Variants in USP18 observed in about 807,000 individuals in gnomAD.
USP18 encodes the protein ubiquitin specific peptidase 18, also known as ubl carboxyl-terminal hydrolase 18.
In USP18, 11 loss-of-function variants were observed where a neutral mutation model predicts 48.7. That is an observed-to-expected ratio of 0.23 (90% confidence interval 0.14 to 0.37). The LOEUF (loss-of-function observed/expected upper bound fraction) is 0.37, where lower values mean the gene tolerates loss of function less well. USP18 is among the 10% of genes least tolerant of loss of function. The probability of loss-of-function intolerance (pLI) is 1.00; values close to 1 mark genes in which losing one functional copy is unlikely to be tolerated. For missense variants in USP18, 285 were observed against 436.4 expected (o/e 0.65, Z 3.09); for synonymous variants, 114 against 163.2 (o/e 0.70, Z 2.30).
chr22:18,155,911 C>T (rs1200345885), intron 1 of USP18, among the ~76,000 whole-genome samples: 1 of 152,276 alleles, frequency 6.6e-6, no homozygotes, highest in East Asian at 1.9e-4. Flanking sequence ...CCACCTGCGG[C>T]CCAGGTGTGG....
intron 4 of USP18, among the ~76,000 whole-genome samples, chr22:18,163,445 C>T (rs1285933070): frequency 6.6e-6 from 1 of 151,908 alleles, no homozygotes; most frequent in Non-Finnish European, 1.5e-5. Flanking sequence ...CGATGGAGAC[C>T]ATCCTGGCTA....
intron 1 of USP18, among the ~76,000 whole-genome samples, chr22:18,153,334 C>T (rs1929046424): frequency 6.6e-6 from 1 of 150,646 alleles, no homozygotes; most frequent in South Asian, 2.1e-4. Flanking sequence ...GACACTAAGG[C>T]AGGGGAAGTG....
intron 8 of USP18, among the ~76,000 whole-genome samples, chr22:18,172,330 C>A (rs2543692): frequency 0.013 from 2,048 of 152,004 alleles, 21 homozygotes; most frequent in Admixed American, 0.016. Flanking sequence ...ATTATGTATC[C>A]CTAAAGAATA....
intron 1 of USP18, among the ~76,000 whole-genome samples, chr22:18,155,180 G>T (rs1030122730): frequency 2.0e-5 from 3 of 152,254 alleles, no homozygotes; most frequent in African/African-American, 7.2e-5. Context: ...CACTGTAGTT[G>T]TCAGGTAGTG....
chr22:18,168,453 G>A (rs561897197), intron 6 of USP18, among the ~76,000 whole-genome samples: 2 of 151,548 alleles, frequency 1.3e-5, no homozygotes, highest in East Asian at 3.9e-4. Context: ...CTGAAGTGCA[G>A]TGGCACAATC....
chr22:18,153,348 G>A (rs1342942082), intron 1 of USP18, among the ~76,000 whole-genome samples: 1 of 150,860 alleles, frequency 6.6e-6, no homozygotes, highest in Non-Finnish European at 1.5e-5. Context: ...GGAAGTGCTT[G>A]AACTCGGGAG....
intron 8 of USP18, among the ~76,000 whole-genome samples, chr22:18,171,818 GATA>G (rs1157930582): frequency 1.3e-5 from 2 of 152,066 alleles, no homozygotes; most frequent in Non-Finnish European, 2.9e-5. Context: ...ATTAAGACCT[GATA>G]ATATGTTACA....
In USP18 at chr22:18,173,982, C is replaced by T. The variant is rs1602534246; in HGVS notation, c.1073+140C>T. 13 of 1,183,558 alleles carry T rather than the reference C, an allele frequency of 1.1e-5. 2 individuals carry two copies. In the Admixed American group the frequency reaches 2.8e-4, roughly 25 times the overall value. The allele number at this position is 1,183,558 out of a possible 1,614,324, so 73.3% of individuals were successfully genotyped here. ...CTCATCTCCAGCACTCACCCCACCA[C>T]CCCATGTTTGCCTCACACGTCACAC... On this transcript the variant is annotated intron_variant, in intron 10 of 10. Transcript: ENST00000215794.
chr22:18,168,128 T>G (rs1347469872), intron 6 of USP18, 92 bp downstream of exon 6: 2 of 1,550,552 alleles, frequency 1.3e-6, no homozygotes, highest in African/African-American at 2.7e-5. Flanking sequence ...GTAATTTATT[T>G]CTTACAGTTC....
chr22:18,157,002 A>ATT (rs772322485), intron 1 of USP18, among the ~76,000 whole-genome samples: 47 of 152,316 alleles, frequency 3.1e-4, no homozygotes, highest in South Asian at 6.2e-4. Context: ...CTGAGACAAT[A>ATT]TTGAGTCACA....
At chr22:18,174,931 T>C (rs1929741841) in intron 10 of USP18, among the ~76,000 whole-genome samples, 1 of 149,628 alleles carries the variant, frequency 6.7e-6, no homozygotes. Context: ...TTGTTTGTTT[T>C]GAGATGGAGT....
chr22:18,151,301 A>C (rs1055626436), intron 1 of USP18, among the ~76,000 whole-genome samples: 6 of 152,198 alleles, frequency 3.9e-5, no homozygotes, highest in Non-Finnish European at 8.8e-5. Context: ...AAGTGTTTGA[A>C]AATTAAAGCA....
chr22:18,163,971 T>TG (rs1242660034), intron 4 of USP18, among the ~76,000 whole-genome samples: 1 of 152,244 alleles, frequency 6.6e-6, no homozygotes, highest in Non-Finnish European at 1.5e-5. Context: ...ATCCGCCACT[T>TG]GCTCTGCAAA....
intron 1 of USP18, among the ~76,000 whole-genome samples, chr22:18,156,502 C>A (rs574720413): frequency 4.6e-5 from 7 of 151,696 alleles, no homozygotes; most frequent in African/African-American, 7.3e-5. Flanking sequence ...ACTCCTGAAG[C>A]CAGCAAGACC....
chr22:18,151,721 T>C (rs866390733), intron 1 of USP18, among the ~76,000 whole-genome samples: 16 of 152,258 alleles, frequency 1.1e-4, no homozygotes, highest in Middle Eastern at 3.4e-3. Flanking sequence ...TCCAAAGTGT[T>C]GTAATCCGTG....
At chr22:18,172,758 T>TCTGTCTC (rs779632766) in intron 8 of USP18, among the ~76,000 whole-genome samples, 44 of 151,040 alleles carry the variant, frequency 2.9e-4, no homozygotes, top group South Asian at 8.5e-4. Context: ...GCCCTTGCCC[T>TCTGTCTC]CTGTCTCCCC....
At chr22:18,154,845 CTG>C (rs1452906610) in intron 1 of USP18, among the ~76,000 whole-genome samples, 1 of 152,146 alleles carries the variant, frequency 6.6e-6, no homozygotes, top group African/African-American at 2.4e-5. Flanking sequence ...GTGTCAATGT[CTG>C]TGCATTGACA....
chr22:18,163,650 AAG>A (rs1929390845), intron 4 of USP18, among the ~76,000 whole-genome samples: 1 of 151,614 alleles, frequency 6.6e-6, no homozygotes, highest in Admixed American at 6.6e-5. Flanking sequence ...CTCAGAAAAA[AAG>A]AAAAAAAAAA....
chr22:18,162,682 G>T (rs1388743399), intron 4 of USP18, among the ~76,000 whole-genome samples: 2 of 151,244 alleles, frequency 1.3e-5, no homozygotes, highest in Admixed American at 1.3e-4. Context: ...ACAGGGATAC[G>T]TTCTGAAAAT....
Sources: allele counts gnomAD v4.1 joint callset (sites outside exome capture counted in the v4.1 genomes callset), GRCh38; gene constraint gnomAD v4.1.1; transcripts MANE v1.5; gene names NCBI Gene and HGNC (gene_info 2026-07-23, HGNC 2026-07-21).